CFAP97: variants seen among roughly 807,000 people sequenced by gnomAD.
CFAP97 encodes cilia and flagella associated protein 97, also known as cilia- and flagella-associated protein 97.
Under a neutral mutation model 43.1 loss-of-function variants are expected in CFAP97, and 36 were observed. That is an observed-to-expected ratio of 0.84 (90% confidence interval 0.64 to 1.10). The LOEUF (loss-of-function observed/expected upper bound fraction) is 1.10. Among genes scored for constraint, CFAP97 ranks in the 50% least tolerant of loss-of-function variants. CFAP97 has a pLI of 0.00. For synonymous variants in CFAP97, 228 were observed against 225.7 expected (o/e 1.01, Z -0.09); for missense variants, 657 against 620.3 (o/e 1.06, Z -0.63).
upstream of CFAP97, chr4:185,210,021 A>G: frequency 2.0e-6 from 2 of 982,286 alleles, no homozygotes; most frequent in Non-Finnish European, 2.4e-6. The surrounding 1 kb of genome is among the most constrained non-coding windows in gnomAD (Gnocchi z 4.4). Context: ...CGGTGGCCGC[A>G]CTCGCCGCCG....
At chr4:185,172,462 A>G (rs1434410518) in intron 3 of CFAP97, among the ~76,000 whole-genome samples, 6 of 152,220 alleles carry the variant, frequency 3.9e-5, no homozygotes, top group Non-Finnish European at 8.8e-5. Flanking sequence ...ATTTCCATCT[A>G]AATAGCCTCT....
At chr4:185,202,038 TCCC>T (rs34289088) in intron 1 of CFAP97, among the ~76,000 whole-genome samples, 69,569 of 151,744 alleles carry the variant, frequency 0.46, 16,437 homozygotes, top group East Asian at 0.57. Flanking sequence ...TTTTTGTTTT[TCCC>T]CCCATCCCCT....
intron 3 of CFAP97, among the ~76,000 whole-genome samples, chr4:185,168,362 T>C (rs1337369262): frequency 6.6e-6 from 1 of 152,048 alleles, no homozygotes; most frequent in Non-Finnish European, 1.5e-5. Flanking sequence ...ATCCCAGCAC[T>C]TCGGGAGGCT....
intron 3 of CFAP97, among the ~76,000 whole-genome samples, chr4:185,173,695 T>C (rs753194501): frequency 1.3e-5 from 2 of 152,114 alleles, no homozygotes; most frequent in Non-Finnish European, 2.9e-5. Context: ...GCCGAATTCA[T>C]AGAGACAGAA....
chr4:185,199,486 T>C (rs943849945), intron 1 of CFAP97, among the ~76,000 whole-genome samples: 4 of 152,000 alleles, frequency 2.6e-5, no homozygotes, highest in African/African-American at 4.8e-5. Context: ...CTGGCCAACA[T>C]GGTGAAACCC....
Position 185,172,642 on chromosome 4 carries a change from A to G in CFAP97, c.1320+3144T>C, listed in dbSNP as rs556596636. ...GTTTTGCAGTATATCTGACACTGAA[A>G]TAACTACAAAAGTGTGTCTCTGTGT... On this transcript the variant is annotated intron_variant, in intron 3 of 4. Transcript: ENST00000458385. Among the ~76,000 whole-genome samples, 444 of 152,294 alleles carry G rather than the reference A, an allele frequency of 2.9e-3. 4 individuals carry two copies. The highest frequency in any genetic ancestry group is 0.01 in the African/African-American group (432 of 41,564).
intron 2 of CFAP97, among the ~76,000 whole-genome samples, chr4:185,186,581 T>C (rs1736014114): frequency 6.6e-6 from 1 of 152,210 alleles, no homozygotes. Context: ...GATATATAGA[T>C]TATAATAGAT....
chr4:185,178,409 G>A (rs1216578744), intron 2 of CFAP97, among the ~76,000 whole-genome samples: 3 of 151,584 alleles, frequency 2.0e-5, no homozygotes, highest in Non-Finnish European at 4.4e-5. Context: ...TACCACGCCC[G>A]GCTAATTTTT....
In CFAP97 at chr4:185,162,910, G is replaced by T; in HGVS notation, c.1487C>A (p.Ser496Tyr). The T allele has an allele frequency of 6.3e-7, 1 of 1,577,450 alleles. No homozygotes were observed. Among genetic ancestry groups the T allele is most frequent in the African/African-American group, 1.4e-5 (1 of 73,040 alleles). The change falls in exon 5 of 5, where the codon TCC (serine) becomes TAC (tyrosine). Residue 496 changes from serine (S) to tyrosine (Y), a missense_variant. Transcript: ENST00000458385. Reference protein sequence around the residue: ...QYSPLRASRTSSATSGLSCRS... With the variant: ...QYSPLRASRTYSATSGLSCRS... ...ACAACTGAGACCACTCGTAGCACTGGATGTCCTGGAAGCTCCTGAAAATAT... is the reference window on the plus strand; with the variant it reads ...ACAACTGAGACCACTCGTAGCACTGTATGTCCTGGAAGCTCCTGAAAATAT...
intron 2 of CFAP97, among the ~76,000 whole-genome samples, chr4:185,184,405 A>G (rs1735925618): frequency 6.6e-6 from 1 of 152,158 alleles, no homozygotes; most frequent in Admixed American, 6.5e-5. Context: ...TGGGAGCGTA[A>G]CCAGTTCTGG....
At chr4:185,201,291 A>T (rs1691271293) in intron 1 of CFAP97, among the ~76,000 whole-genome samples, 1 of 142,016 alleles carries the variant, frequency 7.0e-6, no homozygotes, top group South Asian at 2.2e-4. Context: ...ACACCACTGC[A>T]CTCCAGCCCA....
intron 3 of CFAP97, among the ~76,000 whole-genome samples, chr4:185,171,991 T>C (rs1441531981): frequency 6.6e-6 from 1 of 152,226 alleles, no homozygotes; most frequent in Non-Finnish European, 1.5e-5. Context: ...CCTCCTGCCC[T>C]GGCCTCCCAA....
intron 2 of CFAP97, among the ~76,000 whole-genome samples, chr4:185,186,626 T>C (rs1360953036): frequency 6.6e-6 from 1 of 152,238 alleles, no homozygotes; most frequent in Admixed American, 6.5e-5. Flanking sequence ...TCCAGCTACA[T>C]TCTATTAAAC....
At chr4:185,194,596 T>C (rs1052763837) in intron 1 of CFAP97, among the ~76,000 whole-genome samples, 1 of 152,182 alleles carries the variant, frequency 6.6e-6, no homozygotes, top group African/African-American at 2.4e-5. Context: ...GACAGGATTC[T>C]AGCTCACTGC....
Position 185,162,603 on chromosome 4 carries a change from TC to T in CFAP97, c.*194del. 3.4e-6 allele frequency: 2 copies of T among 589,190 alleles called. No individual in the cohort carries two copies. Among genetic ancestry groups the T allele is most frequent in the South Asian group, 2.0e-5 (1 of 49,866 alleles). The allele number at this position is 589,190 out of a possible 1,614,324, so 36.5% of individuals were successfully genotyped here. Reference sequence around the variant, plus strand: ...AACACATACATCTCATATAAATACATCCTCAGGAAACACTTTTTACATTAAA... The same window carrying T: ...AACACATACATCTCATATAAATACATCTCAGGAAACACTTTTTACATTAAA... On this transcript the variant is annotated 3_prime_UTR_variant, in exon 5 of 5. Transcript: ENST00000458385.
intron 3 of CFAP97, among the ~76,000 whole-genome samples, chr4:185,167,123 A>G (rs1735102204): frequency 6.6e-6 from 1 of 152,178 alleles, no homozygotes; most frequent in Non-Finnish European, 1.5e-5. Flanking sequence ...TCAAAAGTGT[A>G]TGCATTTTAA....
intron 1 of CFAP97, among the ~76,000 whole-genome samples, chr4:185,192,456 TTTTG>T (rs1479808910): frequency 2.0e-5 from 3 of 152,154 alleles, no homozygotes; most frequent in East Asian, 3.9e-4. Flanking sequence ...GGCCACTGAT[TTTTG>T]TTTTTTTCCC....
At chr4:185,173,022 C>T (rs562673030) in intron 3 of CFAP97, among the ~76,000 whole-genome samples, 2 of 152,036 alleles carry the variant, frequency 1.3e-5, no homozygotes, top group Admixed American at 6.5e-5. Flanking sequence ...ATTTATATTA[C>T]AGGCATGAGT....
chr4:185,183,107 A>G (rs182427972), intron 2 of CFAP97, among the ~76,000 whole-genome samples: 2 of 152,144 alleles, frequency 1.3e-5, no homozygotes, highest in African/African-American at 4.8e-5. Flanking sequence ...CTCAAAAAAA[A>G]AAAAAGGTTC....
Sources: gnomAD v4.1 joint callset for allele counts (sites outside exome capture counted in the v4.1 genomes callset) on GRCh38, gnomAD v4.1.1 for gene constraint, Gnocchi (gnomAD v3.1) non-coding constraint, MANE v1.5 for transcripts, NCBI Gene and HGNC (gene_info 2026-07-23, HGNC 2026-07-21) for gene names.